MYO16: variants seen among roughly 807,000 people sequenced by gnomAD.
MYO16 encodes the protein unconventional myosin-XVI.
MYO16 carries 94 observed loss-of-function variants against 205.3 expected under a neutral mutation model. The ratio of observed to expected loss-of-function variants is 0.46; its 90% CI spans 0.39 to 0.54. MYO16 has a LOEUF of 0.54. MYO16 is among the 20% of genes least tolerant of loss of function. The probability of loss-of-function intolerance (pLI) is 0.00; values close to 1 mark genes in which losing one functional copy is unlikely to be tolerated. For missense variants in MYO16, 2,315 were observed against 2,387.5 expected, an observed-to-expected ratio of 0.97 and a Z score of 0.63; for synonymous variants, 988 against 954.0, an observed-to-expected ratio of 1.04 and a Z score of -0.66.
At chr13:108,720,860 T>C (rs901152339) in intron 3 of MYO16, among the ~76,000 whole-genome samples, 11 of 152,178 alleles carry the variant, frequency 7.2e-5, no homozygotes, top group African/African-American at 2.2e-4. Flanking sequence ...ATCTTCAGAC[T>C]TGATGTGTGA....
chr13:108,921,369 C>T (rs907365388), intron 16 of MYO16, among the ~76,000 whole-genome samples: 2 of 152,156 alleles, frequency 1.3e-5, no homozygotes, highest in African/African-American at 4.8e-5. Context: ...CTGGCCTTGT[C>T]CCCTTGCTGA....
chr13:108,586,125 C>T, the MYO16 span, among the ~76,000 whole-genome samples: 3 of 151,930 alleles, frequency 2.0e-5, no homozygotes, highest in African/African-American at 7.2e-5. Context: ...TGTATACATT[C>T]ATGTAATTTA....
intron 32 of MYO16, among the ~76,000 whole-genome samples, chr13:109,154,360 T>A (rs1877870041): frequency 6.6e-6 from 1 of 152,162 alleles, no homozygotes; most frequent in South Asian, 2.1e-4. Context: ...CTTGGTGAAA[T>A]GTTGACACAG....
At chr13:108,946,593 C>A (rs1459519874) in intron 16 of MYO16, among the ~76,000 whole-genome samples, 3 of 152,126 alleles carry the variant, frequency 2.0e-5, no homozygotes, top group Non-Finnish European at 2.9e-5. Context: ...TAAACAAGTT[C>A]ATGACATTTA....
At chr13:108,593,029 C>T (rs144364206), upstream of MYO16, among the ~76,000 whole-genome samples, 5 of 152,192 alleles carry the variant, frequency 3.3e-5, no homozygotes, top group East Asian at 5.8e-4. Context: ...TCCCTGTGAG[C>T]GCAGGTGGAA....
chr13:108,788,979 C>G (rs1304248407), intron 5 of MYO16, among the ~76,000 whole-genome samples: 3 of 152,178 alleles, frequency 2.0e-5, no homozygotes, highest in African/African-American at 7.2e-5. Flanking sequence ...TTCCATGTCC[C>G]TCCATGCTGT....
intron 13 of MYO16, among the ~76,000 whole-genome samples, chr13:108,883,717 C>T (rs1879725977): frequency 6.6e-6 from 1 of 151,910 alleles, no homozygotes; most frequent in African/African-American, 2.4e-5. Flanking sequence ...TCACTGCAGC[C>T]AAGGCTCAAG....
In MYO16 at chr13:109,140,874, G is replaced by T. The variant is rs767471757; in HGVS notation, c.4662G>T (p.Pro1554=). The change falls in exon 32 of 35, where the codon CCG becomes CCT. Residue 1554 remains proline, a synonymous_variant. Coordinates refer to ENST00000457511, the MANE Select transcript of MYO16 (RefSeq NM_001198950.3). The surrounding 1 kb of genome is among the most constrained non-coding windows in gnomAD (Gnocchi z 8.0). ...LETNLKYPVQ[P]EGSSPLSPQY... is the part of the protein sequence containing the mutation. Reference sequence around the variant, plus strand: ...CCAACCTCAAGTACCCCGTGCAGCCGGAGGGGTCGAGCCCGCTGTCCCCGC... The same window carrying T: ...CCAACCTCAAGTACCCCGTGCAGCCTGAGGGGTCGAGCCCGCTGTCCCCGC... The T allele has an allele frequency of 3.1e-6, 5 of 1,595,634 alleles. No individual in the cohort carries two copies. Among genetic ancestry groups the T allele is most frequent in the South Asian group, 1.1e-5 (1 of 88,936 alleles).
intron 21 of MYO16, among the ~76,000 whole-genome samples, chr13:108,997,406 G>GAGA: frequency 1.4e-5 from 1 of 70,366 alleles, no homozygotes; most frequent in Non-Finnish European, 3.2e-5. Flanking sequence ...GAGGGAGAGT[G>GAGA]GGAGGAAAGG....
At chr13:109,161,430 A>G (rs1878377402) in intron 32 of MYO16, among the ~76,000 whole-genome samples, 1 of 152,204 alleles carries the variant, frequency 6.6e-6, no homozygotes, top group Non-Finnish European at 1.5e-5. Context: ...AAATGTTTAC[A>G]CAGAGATTAA....
At chr13:108,632,792 C>A (rs914997755) in intron 1 of MYO16, among the ~76,000 whole-genome samples, 7 of 152,094 alleles carry the variant, frequency 4.6e-5, no homozygotes, top group African/African-American at 1.7e-4. Context: ...AGCCCCATGC[C>A]TGTTGAGAGG....
chr13:109,059,861 T>A (rs1463257324), intron 27 of MYO16, among the ~76,000 whole-genome samples: 1 of 152,202 alleles, frequency 6.6e-6, no homozygotes, highest in East Asian at 1.9e-4. Context: ...TGGTATTGCC[T>A]AGGTTTTCTT....
At chr13:109,116,179 T>C (rs1875671609) in intron 28 of MYO16, among the ~76,000 whole-genome samples, 1 of 152,146 alleles carries the variant, frequency 6.6e-6, no homozygotes, top group East Asian at 1.9e-4. Flanking sequence ...GCAAGCACAA[T>C]ACCCAGGCAT....
rs61743216 is a variant in MYO16 at position 108,910,089 on chromosome 13, A to C, written c.1864A>C (p.Met622Leu). Residue 622 changes from methionine (M) to leucine (L), a missense_variant, in exon 16 of 35, where the codon ATG (methionine) becomes CTG (leucine). Met to Leu is a conservative substitution (Grantham distance 15, BLOSUM62 2). Coordinates refer to ENST00000457511, the MANE Select transcript of MYO16 (RefSeq NM_001198950.3). ...CAATTTTCTCATTTTCTACTTGTTG[A>C]TGGATGGGTTATCTGCTGAAGAAAA... is the stretch of plus-strand genomic sequence containing the variant. ...QSNFLIFYLL[M>L]DGLSAEEKYG... 18,786 of 1,613,380 alleles carry C rather than the reference A, an allele frequency of 0.012. 142 individuals carry two copies. The highest frequency in any genetic ancestry group is 0.013 in the Non-Finnish European group (15,001 of 1,179,542).
At chr13:108,741,220 G>A (rs549040851) in intron 4 of MYO16, among the ~76,000 whole-genome samples, 25 of 152,156 alleles carry the variant, frequency 1.6e-4, no homozygotes, top group Non-Finnish European at 2.5e-4. Flanking sequence ...CATCTTCTGC[G>A]TCGCTCACGC....
intron 5 of MYO16, among the ~76,000 whole-genome samples, chr13:108,786,358 T>G (rs74118855): frequency 0.017 from 2,642 of 152,302 alleles, 68 homozygotes; most frequent in African/African-American, 0.06. Context: ...AGTGCAGCCT[T>G]GGGAAAGTGG....
intron 4 of MYO16, among the ~76,000 whole-genome samples, chr13:108,757,095 A>G (rs1391275531): frequency 2.0e-5 from 3 of 152,246 alleles, no homozygotes; most frequent in Non-Finnish European, 4.4e-5. Flanking sequence ...TAATACATTT[A>G]ACTTTTAATA....
intron 16 of MYO16, among the ~76,000 whole-genome samples, chr13:108,942,379 T>A (rs146984516): frequency 5.3e-4 from 80 of 152,376 alleles, no homozygotes; most frequent in African/African-American, 1.8e-3. Flanking sequence ...TTAGAAAATG[T>A]GCTGATGAGA....
chr13:109,004,425 C>A (rs1400282744), intron 21 of MYO16, among the ~76,000 whole-genome samples: 2 of 152,014 alleles, frequency 1.3e-5, no homozygotes, highest in African/African-American at 4.8e-5. Context: ...TGGAGTTTAA[C>A]AAATTATTAA....
Sources: gnomAD v4.1 joint callset for allele counts (sites outside exome capture counted in the v4.1 genomes callset) on GRCh38, gnomAD v4.1.1 for gene constraint, Gnocchi (gnomAD v3.1) non-coding constraint, MANE v1.5 for transcripts, NCBI Gene and HGNC (gene_info 2026-07-23, HGNC 2026-07-21) for gene names.